The following COL12A1 variants were observed in gnomAD, a reference collection of about 807,000 sequenced individuals.
COL12A1 encodes the protein collagen alpha-1(XII) chain.
In COL12A1, 114 loss-of-function variants were observed where a neutral mutation model predicts 349.7. The observed-to-expected ratio is 0.33, with a 90% CI of 0.28 to 0.38. COL12A1 has a LOEUF of 0.38. Ranked by LOEUF, COL12A1 falls within the 10% of genes least tolerant of loss-of-function variation. COL12A1 has a pLI of 1.00. For synonymous variants in COL12A1, 1,369 were observed against 1,329.0 expected, an observed-to-expected ratio of 1.03 and a Z score of -0.66; for missense variants, 3,284 against 3,756.9, an observed-to-expected ratio of 0.87 and a Z score of 3.29.
chr6:75,163,733 A>AGAAATATTGGCTATATTGAAAATTTTG (rs1768139345), intron 14 of COL12A1, among the ~76,000 whole-genome samples: 1 of 152,346 alleles, frequency 6.6e-6, no homozygotes, highest in East Asian at 1.9e-4. Flanking sequence ...CAATTAGCCA[A>AGAAATATTGGCTATATTGAAAATTTTG]GAAATATTGA....
chr6:75,171,705 C>T lies in COL12A1; in HGVS notation c.2710+3333G>A, dbSNP rs368294113. Among the ~76,000 whole-genome samples the T allele has an allele frequency of 3.5e-4, 53 of 152,300 alleles. 2 individuals are homozygous for T. In the South Asian group the frequency reaches 0.01, roughly 29 times the overall value. ...GCAGTTGCCTGGCTCTGTTTCTGGG[C>T]TTTCCACTCCCTGCATTTACCATCA... On this transcript the variant is annotated intron_variant, in intron 13 of 65. Coordinates refer to ENST00000322507, the MANE Select transcript of COL12A1 (RefSeq NM_004370.6).
intron 31 of COL12A1, among the ~76,000 whole-genome samples, chr6:75,135,196 G>T (rs1352382522): frequency 1.3e-5 from 2 of 151,974 alleles, no homozygotes; most frequent in Non-Finnish European, 2.9e-5. Flanking sequence ...GCTACAAAGG[G>T]ACTTTAAGAT....
chr6:75,164,451 C>T (rs1358884687), intron 14 of COL12A1, among the ~76,000 whole-genome samples: 1 of 152,164 alleles, frequency 6.6e-6, no homozygotes, highest in Non-Finnish European at 1.5e-5. Flanking sequence ...CAGTCTTTCT[C>T]CTTTTCCTAA....
chr6:75,141,170 G>C (rs1446636617), intron 27 of COL12A1, among the ~76,000 whole-genome samples: 1 of 152,026 alleles, frequency 6.6e-6, no homozygotes, highest in Non-Finnish European at 1.5e-5. Flanking sequence ...CATTATTTTT[G>C]TTTGGAACAC....
rs574852304 is a variant in COL12A1, at chr6:75,188,283, T to G, written c.997+79A>C. On this transcript the variant is annotated intron_variant, in intron 8 of 65. Coordinates refer to ENST00000322507, the MANE Select transcript of COL12A1 (RefSeq NM_004370.6). ...ACTGGAAGAAATATTTAAATAAATA[T>G]GTCTACTTCTAAGATAACTATAAAT... 4.3e-6 allele frequency: 6 copies of G among 1,393,566 alleles called. No homozygotes were observed. The East Asian group carries it at 7.1e-5, about 16-fold the overall frequency. The allele number at this position is 1,393,566 out of a possible 1,614,324, so 86.3% of individuals were successfully genotyped here.
intron 35 of COL12A1, 33 bp downstream of exon 35, chr6:75,131,907 A>G (rs1280883176): frequency 1.9e-6 from 3 of 1,610,414 alleles, no homozygotes; most frequent in South Asian, 1.1e-5. Flanking sequence ...TACATTCACC[A>G]GGAAATGCAG....
At chr6:75,106,329 C>T in intron 53 of COL12A1, 90 bp downstream of exon 53, 1 of 1,088,014 alleles carries the variant, frequency 9.2e-7, no homozygotes, top group Non-Finnish European at 1.4e-6. Context: ...GAATATACAA[C>T]TGTGCAGTGC....
rs1238774939 is a variant in COL12A1, at chr6:75,113,235, ACTT to A, written c.7916_7918del (p.Glu2639del). The A allele has an allele frequency of 2.6e-6, 4 of 1,562,948 alleles. No homozygotes were observed. Among genetic ancestry groups the A allele is most frequent in the Non-Finnish European group, 3.5e-6 (4 of 1,156,648 alleles). On this transcript the variant is annotated inframe_deletion, in exon 51 of 66. Coordinates refer to ENST00000322507, the MANE Select transcript of COL12A1 (RefSeq NM_004370.6). ...AAAACTTCCATAAAATAATGTCTTT[ACTT>A]CTTCTGTGTCAAATGTAACAGTTTG...
At chr6:75,143,179 ACTTG>A in intron 26 of COL12A1, 69 bp downstream of exon 26, 1 of 1,545,158 alleles carries the variant, frequency 6.5e-7, no homozygotes, top group East Asian at 2.2e-5. Context: ...TATCATCCAT[ACTTG>A]ATAAAGTTCT....
chr6:75,093,430 G>A (rs979345679), intron 60 of COL12A1, among the ~76,000 whole-genome samples: 1 of 152,110 alleles, frequency 6.6e-6, no homozygotes, highest in Non-Finnish European at 1.5e-5. Context: ...CAAGCTCTCT[G>A]CTAAGACCTA....
chr6:75,155,532 G>A, intron 16 of COL12A1, 130 bp downstream of exon 16: 2 of 950,036 alleles, frequency 2.1e-6, no homozygotes, highest in Non-Finnish European at 3.0e-6. Context: ...AGCTTTAGCT[G>A]ATTTTAAATA....
At chr6:75,091,961 C>T (rs1468866759) in intron 60 of COL12A1, among the ~76,000 whole-genome samples, 2 of 152,204 alleles carry the variant, frequency 1.3e-5, no homozygotes, top group African/African-American at 2.4e-5. Context: ...TTCAGTCTCA[C>T]TAAGAACCAG....
chr6:75,183,467 A>T lies in COL12A1; in HGVS notation c.1474T>A (p.Phe492Ile), dbSNP rs1769435364. The change falls in exon 10 of 66, where the codon TTC becomes ATC. Residue 492 changes from phenylalanine to isoleucine, a missense_variant. Phe to Ile is a conservative substitution (Grantham distance 21, BLOSUM62 0). Coordinates refer to ENST00000322507, the MANE Select transcript of COL12A1 (RefSeq NM_004370.6). ...VQYSRDPHTE[F>I]TLKKFTKVED... Reference sequence around the variant, plus strand: ...ACTTTGGTGAATTTTTTCAAAGTGAACTCAGTATGAGGATCCCGGCTGTAT... The same window carrying T: ...ACTTTGGTGAATTTTTTCAAAGTGATCTCAGTATGAGGATCCCGGCTGTAT... 3.7e-6 allele frequency: 6 copies of T among 1,614,106 alleles called. No homozygotes were observed. In the East Asian group the frequency reaches 1.1e-4, roughly 30 times the overall value.
chr6:75,199,250 T>C (rs1770400856), intron 2 of COL12A1, among the ~76,000 whole-genome samples: 1 of 152,206 alleles, frequency 6.6e-6, no homozygotes, highest in Non-Finnish European at 1.5e-5. Context: ...GTGCATTAGT[T>C]GACCAAGTGA....
At chr6:75,155,907 G>T in intron 15 of COL12A1, 53 bp from the exon 16 acceptor site, 1 of 1,519,728 alleles carries the variant, frequency 6.6e-7, no homozygotes, top group East Asian at 2.3e-5. Flanking sequence ...AGGCTTTGGG[G>T]TTTCTTTTTT....
intron 2 of COL12A1, among the ~76,000 whole-genome samples, chr6:75,199,027 A>G (rs759832714): frequency 7.9e-5 from 12 of 152,222 alleles, no homozygotes; most frequent in Non-Finnish European, 1.0e-4. Flanking sequence ...AATCCATTTC[A>G]TTTGAGTTTT....
chr6:75,151,364 T>G, intron 20 of COL12A1, 77 bp from the exon 21 acceptor site: 1 of 1,393,392 alleles, frequency 7.2e-7, no homozygotes, highest in Non-Finnish European at 9.9e-7. Flanking sequence ...GATTTACGGC[T>G]TTCTTAATTC....
chr6:75,125,201 G>A lies in COL12A1; in HGVS notation c.6533C>T (p.Thr2178Ile). 6.2e-7 allele frequency: 1 copy of A among 1,612,320 alleles called. No homozygotes were observed. Among genetic ancestry groups the A allele is most frequent in the Non-Finnish European group, 8.5e-7 (1 of 1,178,936 alleles). ...AGCATAAACATTCACATCGTAGGTG[G>A]TGCTGGGATTGAGATTGTGTAAGGT... The part of the protein sequence containing the change: ...SYTLHNLNPS[T>I]TYDVNVYAQY... The change falls in exon 40 of 66, where the codon ACC becomes ATC. Residue 2178 changes from threonine (T) to isoleucine (I), a missense_variant. Coordinates refer to ENST00000322507, the MANE Select transcript of COL12A1 (RefSeq NM_004370.6).
intron 51 of COL12A1, 44 bp downstream of exon 51, chr6:75,113,160 T>A: frequency 9.7e-7 from 1 of 1,028,758 alleles, no homozygotes; most frequent in Non-Finnish European, 1.4e-6. Flanking sequence ...ATTTGTTTTA[T>A]ATTTTTTTCT....
Sources: gnomAD v4.1 joint callset for allele counts (sites outside exome capture counted in the v4.1 genomes callset) on GRCh38, gnomAD v4.1.1 for gene constraint, MANE v1.5 for transcripts, NCBI Gene and HGNC (gene_info 2026-07-23, HGNC 2026-07-21) for gene names.